The following DUS2 variants were observed in gnomAD, a reference collection of about 807,000 sequenced individuals.
DUS2 encodes the protein tRNA-dihydrouridine(20) synthase [NAD(P)+]-like.
A neutral mutation model predicts 71.3 loss-of-function variants in DUS2; 52 were observed. The ratio of observed to expected loss-of-function variants is 0.73; its 90% CI spans 0.58 to 0.92. The LOEUF (loss-of-function observed/expected upper bound fraction) is 0.92, where lower values mean the gene tolerates loss of function less well. Among genes scored for constraint, DUS2 ranks in the 40% least tolerant of loss-of-function variants. The pLI is 0.00. For missense variants in DUS2, 558 were observed against 622.6 expected (o/e 0.90, Z 1.10); for synonymous variants, 204 against 227.8 (o/e 0.90, Z 0.94).
intron 12 of DUS2, among the ~76,000 whole-genome samples, chr16:68,073,739 G>A (rs1349961159): frequency 6.6e-6 from 1 of 151,902 alleles, no homozygotes; most frequent in Non-Finnish European, 1.5e-5. Context: ...GTGAGCCACC[G>A]TGCCCAGCCG....
rs537042492 is a variant in DUS2 at position 68,053,965 on chromosome 16, C to T, written c.264+310C>T. Reference sequence around the variant, plus strand: ...TATCCCTAGCATTGATTACTCAGATCATAGTCTTTGTTTTTATGTAGTGTG... The same window carrying T: ...TATCCCTAGCATTGATTACTCAGATTATAGTCTTTGTTTTTATGTAGTGTG... On this transcript the variant is annotated intron_variant, in intron 5 of 16. Coordinates refer to ENST00000565263, the MANE Select transcript of DUS2 (RefSeq NM_017803.5). 3 of 323,278 alleles carry T rather than the reference C, an allele frequency of 9.3e-6. No homozygotes were observed. The South Asian group carries it at 1.5e-4, about 16-fold the overall frequency. 20.0% of individuals were successfully genotyped at this position (323,278 alleles called of 1,614,324 possible).
intron 3 of DUS2, among the ~76,000 whole-genome samples, chr16:68,039,130 C>T (rs371611148): frequency 9.9e-5 from 15 of 151,842 alleles, no homozygotes; most frequent in African/African-American, 2.4e-4. Context: ...GAAAACAAAC[C>T]CTTATGTACT....
At chr16:68,033,870 G>T (rs1364891831) in intron 2 of DUS2, among the ~76,000 whole-genome samples, 1 of 151,846 alleles carries the variant, frequency 6.6e-6, no homozygotes, top group Admixed American at 6.6e-5. Flanking sequence ...GACCTCGAGT[G>T]ATCCACCCAC....
chr16:68,033,575 C>T (rs1567469254), intron 2 of DUS2, among the ~76,000 whole-genome samples: 1 of 151,042 alleles, frequency 6.6e-6, no homozygotes, highest in Non-Finnish European at 1.5e-5. Flanking sequence ...GCCTCAACCT[C>T]CCAGGCCCAA....
chr16:68,065,622 C>T (rs973841588), intron 8 of DUS2, among the ~76,000 whole-genome samples: 2 of 151,900 alleles, frequency 1.3e-5, no homozygotes, highest in Admixed American at 6.6e-5. Context: ...CAGAGCCAGA[C>T]CCTGTCTCAA....
chr16:68,027,889 A>G (rs2033378392), intron 2 of DUS2, among the ~76,000 whole-genome samples: 1 of 151,862 alleles, frequency 6.6e-6, no homozygotes. Flanking sequence ...TCCCATACTG[A>G]GAGAGAGCAG....
In DUS2 at chr16:68,076,390, C is replaced by T. The variant is rs147210613; in HGVS notation, c.1083-242C>T. ...TCAGAGTACTGGGAGTTCATTCCCC[C>T]TTCCCTTACAATTTCTTGAGCATGC... On this transcript the variant is annotated intron_variant, in intron 14 of 16. Transcript: ENST00000565263. 1.9e-3 allele frequency among the ~76,000 whole-genome samples: 294 copies of T among 152,332 alleles called. 3 individuals are homozygous for T. The highest frequency in any genetic ancestry group is 6.5e-3 in the African/African-American group (272 of 41,568).
chr16:68,052,042 G>C (rs188776519), intron 4 of DUS2, among the ~76,000 whole-genome samples: 10 of 152,192 alleles, frequency 6.6e-5, no homozygotes, highest in African/African-American at 2.4e-4. Flanking sequence ...GGGACTACAG[G>C]TGTGTGCCAC....
chr16:68,024,953 A>G (rs1204622949), intron 1 of DUS2, among the ~76,000 whole-genome samples: 2 of 151,234 alleles, frequency 1.3e-5, no homozygotes, highest in South Asian at 2.1e-4. Context: ...TGCATCAGCC[A>G]TCTGAGTAGC....
chr16:68,075,250 G>A (rs891596281), intron 13 of DUS2, 105 bp from the exon 14 acceptor site: 2 of 1,142,592 alleles, frequency 1.8e-6, no homozygotes, highest in South Asian at 2.0e-5. Context: ...GTGTTTTGGT[G>A]TATGTGGTAG....
chr16:68,078,265 T>C, intron 15 of DUS2, 180 bp from the exon 16 acceptor site: 2 of 628,506 alleles, frequency 3.2e-6, no homozygotes, highest in Non-Finnish European at 2.8e-6. Context: ...CTTGAGGTCA[T>C]TGTGTATTTG....
intron 16 of DUS2, 111 bp downstream of exon 16, chr16:68,078,629 A>G: frequency 6.7e-7 from 1 of 1,486,548 alleles, no homozygotes. Context: ...ATATGTGGGC[A>G]GTGGCATCCC....
chr16:68,064,642 G>C (rs237832), intron 8 of DUS2, among the ~76,000 whole-genome samples: 151,564 of 152,314 alleles, frequency 1, 75,412 homozygotes, highest in East Asian at 1. Context: ...TGTCAGTCCC[G>C]CCCTTAAAAT....
chr16:68,073,747 C>T (rs752841867), intron 12 of DUS2, among the ~76,000 whole-genome samples: 4 of 152,024 alleles, frequency 2.6e-5, no homozygotes, highest in Non-Finnish European at 5.9e-5. Flanking sequence ...CCGTGCCCAG[C>T]CGATAATTTT....
chr16:68,072,827 C>T (rs1046720206), intron 12 of DUS2, among the ~76,000 whole-genome samples: 1 of 152,250 alleles, frequency 6.6e-6, no homozygotes, highest in African/African-American at 2.4e-5. Flanking sequence ...GTCATCTTGC[C>T]TCCCTGAGCC....
chr16:68,027,799 A>G (rs2033377340), intron 2 of DUS2, among the ~76,000 whole-genome samples: 2 of 152,168 alleles, frequency 1.3e-5, no homozygotes, highest in African/African-American at 2.4e-5. Context: ...GGAGGTGATG[A>G]GGTTCTAAAA....
Position 68,078,867 on chromosome 16 carries a change from G to A in DUS2, c.1363G>A (p.Ala455Thr), listed in dbSNP as rs1291390109. 2 of 1,613,886 alleles carry A rather than the reference G, an allele frequency of 1.2e-6. No homozygotes were observed. Among genetic ancestry groups the A allele is most frequent in the Non-Finnish European group, 1.7e-6 (2 of 1,179,832 alleles). ...TTCCTTGCACAAGCGAAAGAGGGAG[G>A]CTCCTGACCAAGACCCTGGGGGCCC... is the stretch of plus-strand genomic sequence containing the variant. The part of the protein sequence containing the change: ...SPSLHKRKRE[A>T]PDQDPGGPRA... Residue 455 changes from alanine to threonine, a missense_variant, in exon 17 of 17, where the codon GCT becomes ACT. Transcript: ENST00000565263.
chr16:68,071,242 T>A, intron 12 of DUS2, 134 bp downstream of exon 12: 1 of 881,260 alleles, frequency 1.1e-6, no homozygotes, highest in Non-Finnish European at 1.7e-6. Context: ...TCATGTAGTG[T>A]AGCTGCACTA....
At chr16:68,064,558 C>A (rs1000021461) in intron 8 of DUS2, among the ~76,000 whole-genome samples, 3 of 152,194 alleles carry the variant, frequency 2.0e-5, no homozygotes, top group African/African-American at 4.8e-5. Context: ...TGTAATGGAA[C>A]CTTTTAGAGA....
Sources: allele counts gnomAD v4.1 joint callset (sites outside exome capture counted in the v4.1 genomes callset), GRCh38; gene constraint gnomAD v4.1.1; transcripts MANE v1.5; gene names NCBI Gene and HGNC (gene_info 2026-07-23, HGNC 2026-07-21).